TUBA1C: variants seen among roughly 807,000 people sequenced by gnomAD.
TUBA1C encodes tubulin alpha-1C chain.
A neutral mutation model predicts 34.9 loss-of-function variants in TUBA1C; 16 were observed. The observed-to-expected ratio is 0.46, with a 90% CI of 0.31 to 0.70. TUBA1C has a LOEUF of 0.70. TUBA1C is among the 30% of genes least tolerant of loss of function. The pLI, the probability that TUBA1C is intolerant of heterozygous loss-of-function variation, is 0.05. For synonymous variants in TUBA1C, 177 were observed against 215.9 expected (o/e 0.82, Z 1.58); for missense variants, 329 against 587.3 (o/e 0.56, Z 4.55).
intron 1 of TUBA1C, among the ~76,000 whole-genome samples, chr12:49,249,395 C>G (rs1942709940): frequency 6.6e-6 from 1 of 151,892 alleles, no homozygotes; most frequent in Non-Finnish European, 1.5e-5. Flanking sequence ...CCACTGCACT[C>G]CAGCCTGGTC....
At chr12:49,231,784 A>G (rs932819076) in intron 1 of TUBA1C, among the ~76,000 whole-genome samples, 10 of 152,160 alleles carry the variant, frequency 6.6e-5, no homozygotes, top group Non-Finnish European at 1.5e-4. Flanking sequence ...CCTGGCCTCA[A>G]TTGATCCTCC....
At position 49,269,850 on chromosome 12, in the gene TUBA1C, C is replaced by A; in HGVS notation, c.249C>A (p.Tyr83Ter). The change falls in exon 3 of 4, where the codon TAC (tyrosine) becomes TAA (stop). Residue 83 changes from tyrosine (Y) to a stop codon, truncating the protein, a stop_gained. Coordinates refer to ENST00000301072, the MANE Select transcript of TUBA1C (RefSeq NM_032704.5). LOFTEE classifies it high-confidence loss of function. The part of the protein sequence containing the change: ...TVIDEVRTGT[Y>*]RQLFHPEQLI... ...CAGATGAAGTTCGCACTGGCACTTA[C>A]CGCCAGCTCTTCCACCCTGAGCAAC... is the stretch of plus-strand genomic sequence containing the variant. 2 of 1,614,158 alleles carry A rather than the reference C, an allele frequency of 1.2e-6. No homozygotes were observed. The highest frequency in any genetic ancestry group is 1.1e-5 in the South Asian group (1 of 91,088).
intron 1 of TUBA1C, among the ~76,000 whole-genome samples, chr12:49,238,825 C>T (rs1016142461): frequency 1.3e-5 from 2 of 152,082 alleles, no homozygotes; most frequent in African/African-American, 4.8e-5. Flanking sequence ...ATGCATAGGG[C>T]GAGGTACGGA....
At position 49,272,738 on chromosome 12, in the gene TUBA1C, T is replaced by C. The variant is rs1395187670; in HGVS notation, c.861T>C (p.Thr287=). The change falls in exon 4 of 4, where the codon ACT becomes ACC. Residue 287 remains threonine, a synonymous_variant. Transcript: ENST00000301072. ...AGAAAGCCTACCACGAACAGCTTAC[T>C]GTAGCAGAGATCACCAATGCTTGCT... ...SAEKAYHEQL[T]VAEITNACFE... 1 of 1,613,472 alleles carries C rather than the reference T, an allele frequency of 6.2e-7. No homozygotes were observed. Among genetic ancestry groups the C allele is most frequent in the Non-Finnish European group, 8.5e-7 (1 of 1,179,986 alleles).
intron 1 of TUBA1C, among the ~76,000 whole-genome samples, chr12:49,240,692 G>A (rs1942606214): frequency 6.6e-6 from 1 of 152,166 alleles, no homozygotes; most frequent in Non-Finnish European, 1.5e-5. Context: ...GGCTCAAGTG[G>A]TCCTTCTGCC....
At chr12:49,256,478 A>G in intron 1 of TUBA1C, 1 of 454,730 alleles carries the variant, frequency 2.2e-6, no homozygotes, top group Non-Finnish European at 4.4e-6. Flanking sequence ...TCGATTTTGT[A>G]GTTACAGGCT....
intron 1 of TUBA1C, among the ~76,000 whole-genome samples, chr12:49,236,318 GAGAACTGGT>G (rs1394007575): frequency 9.2e-5 from 14 of 152,192 alleles, no homozygotes; most frequent in African/African-American, 3.4e-4. Flanking sequence ...AAAACGTTGG[GAGAACTGGT>G]AGAAAGCAGA....
intron 3 of TUBA1C, among the ~76,000 whole-genome samples, chr12:49,271,900 T>A (rs997577769): frequency 6.6e-6 from 1 of 152,206 alleles, no homozygotes; most frequent in Non-Finnish European, 1.5e-5. Flanking sequence ...CTTAAAATAG[T>A]CTTAGCAAAG....
intron 1 of TUBA1C, among the ~76,000 whole-genome samples, chr12:49,249,230 C>A (rs183171545): frequency 6.6e-6 from 1 of 152,072 alleles, no homozygotes; most frequent in East Asian, 1.9e-4. Flanking sequence ...GAGTTTGAGA[C>A]CAGCCTGACC....
upstream of TUBA1C, among the ~76,000 whole-genome samples, chr12:49,261,787 G>A (rs943797011): frequency 1.3e-5 from 2 of 152,124 alleles, no homozygotes; most frequent in Admixed American, 1.3e-4. Context: ...CTAATGTTTT[G>A]TGATGTTTTG....
chr12:49,234,633 G>A (rs1487634842), intron 1 of TUBA1C, among the ~76,000 whole-genome samples: 6 of 152,228 alleles, frequency 3.9e-5, no homozygotes, highest in South Asian at 4.1e-4. Context: ...GGCCGCAGCC[G>A]CCGCCCCGCC....
chr12:49,233,418 C>T (rs960856311), intron 1 of TUBA1C: 4 of 152,238 alleles, frequency 2.6e-5, no homozygotes, highest in African/African-American at 9.6e-5. Flanking sequence ...CCTCCAAACA[C>T]TGAGCTCTCA....
chr12:49,247,961 AAAG>A (rs1942689846), intron 1 of TUBA1C, among the ~76,000 whole-genome samples: 1 of 150,692 alleles, frequency 6.6e-6, no homozygotes, highest in Non-Finnish European at 1.5e-5. Context: ...AAAAAAAAAA[AAAG>A]AGAGAAAGAA....
chr12:49,272,129 A>C, intron 3 of TUBA1C, 124 bp from the exon 4 acceptor site: 1 of 1,489,866 alleles, frequency 6.7e-7, no homozygotes. Context: ...CGCCTGGCCC[A>C]GAAGAGTTTT....
upstream of TUBA1C, among the ~76,000 whole-genome samples, chr12:49,260,266 G>A (rs893271102): frequency 6.6e-6 from 1 of 152,300 alleles, no homozygotes; most frequent in Middle Eastern, 3.4e-3. Context: ...GAAGTCTTGG[G>A]TGTAGGGATA....
At chr12:49,248,414 C>T (rs60522594) in intron 1 of TUBA1C, among the ~76,000 whole-genome samples, 3 of 148,956 alleles carry the variant, frequency 2.0e-5, no homozygotes. Flanking sequence ...ACAAAAAATA[C>T]AAAAATTAGC....
chr12:49,245,974 G>A (rs1318180485), intron 1 of TUBA1C, among the ~76,000 whole-genome samples: 4 of 151,996 alleles, frequency 2.6e-5, no homozygotes, highest in East Asian at 3.9e-4. Context: ...GCACGATCTC[G>A]GCTACCTGCA....
chr12:49,238,142 A>G (rs2136990769), intron 1 of TUBA1C, among the ~76,000 whole-genome samples: 1 of 152,162 alleles, frequency 6.6e-6, no homozygotes, highest in South Asian at 2.1e-4. Context: ...CCGGCAATGC[A>G]TGAGTGAACT....
intron 1 of TUBA1C, chr12:49,233,116 C>T (rs1942513989): frequency 1.3e-5 from 2 of 152,256 alleles, no homozygotes; most frequent in African/African-American, 4.8e-5. Context: ...AGCGGACTCT[C>T]TCCAGGGACT....
Sources: gnomAD v4.1 joint callset for allele counts (sites outside exome capture counted in the v4.1 genomes callset) on GRCh38, gnomAD v4.1.1 for gene constraint, MANE v1.5 for transcripts, NCBI Gene and HGNC (gene_info 2026-07-23, HGNC 2026-07-21) for gene names.